Variants in ATP9A observed in about 807,000 individuals in gnomAD.
ATP9A encodes the protein probable phospholipid-transporting ATPase IIA.
A neutral mutation model predicts 144.1 loss-of-function variants in ATP9A; 52 were observed. That is an observed-to-expected ratio of 0.36 (90% CI 0.29 to 0.45). The LOEUF (loss-of-function observed/expected upper bound fraction) is 0.45, where lower values mean the gene tolerates loss of function less well. Ranked by LOEUF, ATP9A falls within the 20% of genes least tolerant of loss-of-function variation. The pLI, the probability that ATP9A is intolerant of heterozygous loss-of-function variation, is 1.00. For synonymous variants in ATP9A, 582 were observed against 557.4 expected (o/e 1.04, Z -0.62); for missense variants, 947 against 1,392.7 (o/e 0.68, Z 5.09).
chr20:51,644,919 A>T (rs968043086), intron 14 of ATP9A, among the ~76,000 whole-genome samples: 3 of 152,228 alleles, frequency 2.0e-5, no homozygotes, highest in African/African-American at 7.2e-5. Context: ...GCCTGCTTTT[A>T]ACTTTAATCG....
chr20:51,649,912 C>CAAAA (rs3029336), intron 14 of ATP9A, among the ~76,000 whole-genome samples: 40 of 107,714 alleles, frequency 3.7e-4, no homozygotes, highest in African/African-American at 1.4e-3. Context: ...GAATCCGTCT[C>CAAAA]AAAAAAAAAA....
rs2077125078 is a variant in ATP9A, at chr20:51,597,721, G to A, written c.*3490C>T. ...CCTACCCCAGTAAAAACAAGACAAA[G>A]TATAAAAAGAAAAGTCTGGCGGGGG... On this transcript the variant is annotated 3_prime_UTR_variant, in exon 28 of 28. Coordinates refer to ENST00000338821, the MANE Select transcript of ATP9A (RefSeq NM_006045.3). 6.6e-6 allele frequency: 1 copy of A among 151,938 alleles called. No individual in the cohort carries two copies. Among genetic ancestry groups the A allele is most frequent in the Non-Finnish European group, 1.5e-5 (1 of 67,984 alleles). 9.4% of individuals were successfully genotyped at this position (151,938 alleles called of 1,614,324 possible). A position where few individuals can be genotyped will look rare whatever the true frequency, so the allele number is the denominator to read the frequency against.
At chr20:51,623,082 CCAGG>C (rs1431592922) in intron 18 of ATP9A, among the ~76,000 whole-genome samples, 4 of 152,120 alleles carry the variant, frequency 2.6e-5, no homozygotes, top group Admixed American at 6.6e-5. Context: ...GGATGGAAAC[CCAGG>C]CAGTGAGACG....
At chr20:51,664,972 T>C (rs1327878523) in intron 13 of ATP9A, among the ~76,000 whole-genome samples, 1 of 151,680 alleles carries the variant, frequency 6.6e-6, no homozygotes, top group Non-Finnish European at 1.5e-5. Context: ...TCTCGTGATC[T>C]GCCCGCCTCG....
chr20:51,718,070 C>T (rs1452151759), intron 3 of ATP9A, among the ~76,000 whole-genome samples: 1 of 152,064 alleles, frequency 6.6e-6, no homozygotes. Flanking sequence ...ATGTCTGTAC[C>T]CCAAGACATT....
intron 1 of ATP9A, among the ~76,000 whole-genome samples, chr20:51,746,473 C>A (rs1374751080): frequency 3.9e-5 from 6 of 151,964 alleles, no homozygotes; most frequent in Non-Finnish European, 5.9e-5. Context: ...CCGAGGCAGG[C>A]GGATCACCTG....
At position 51,598,856 on chromosome 20, in the gene ATP9A, C is replaced by T. The variant is rs1219638718; in HGVS notation, c.*2355G>A. ...TGGGCCAACGACGTGGCAGTTTGCA[C>T]TTGAGTGTCGGTACTTCTCACCCTT... On this transcript the variant is annotated 3_prime_UTR_variant, in exon 28 of 28. Transcript: ENST00000338821. The T allele has an allele frequency of 1.3e-5, 2 of 152,340 alleles. No homozygotes were observed. The highest frequency in any genetic ancestry group is 4.8e-5 in the African/African-American group (2 of 41,472). 9.4% of individuals were successfully genotyped at this position (152,340 alleles called of 1,614,324 possible).
chr20:51,602,174 G>A (rs886612323), intron 27 of ATP9A, among the ~76,000 whole-genome samples: 1 of 152,108 alleles, frequency 6.6e-6, no homozygotes, highest in Non-Finnish European at 1.5e-5. Flanking sequence ...AGGTGGGGGG[G>A]GCGGGCGTAC....
intron 1 of ATP9A, among the ~76,000 whole-genome samples, chr20:51,753,436 G>T (rs2077841421): frequency 7.0e-6 from 1 of 143,808 alleles, no homozygotes; most frequent in Non-Finnish European, 1.5e-5. Context: ...GGGCAACAGA[G>T]TGAGACTCCG....
At chr20:51,718,446 G>C (rs1000462545) in intron 3 of ATP9A, among the ~76,000 whole-genome samples, 1 of 151,444 alleles carries the variant, frequency 6.6e-6, no homozygotes, top group African/African-American at 2.4e-5. Flanking sequence ...TTTTCTATTT[G>C]AAAAAAGAAC....
chr20:51,645,526 CAAAA>C (rs1198784736), intron 14 of ATP9A, among the ~76,000 whole-genome samples: 2 of 121,154 alleles, frequency 1.7e-5, no homozygotes, highest in South Asian at 3.1e-4. Flanking sequence ...AACAAACAAA[CAAAA>C]ACAAACAAAC....
At chr20:51,653,066 C>T (rs73616814) in intron 14 of ATP9A, among the ~76,000 whole-genome samples, 29 of 150,106 alleles carry the variant, frequency 1.9e-4, no homozygotes, top group South Asian at 1.9e-3. Flanking sequence ...GCCGAGATCA[C>T]GCCACTGCAC....
At chr20:51,651,266 TAA>T (rs1259276573) in intron 14 of ATP9A, among the ~76,000 whole-genome samples, 11 of 139,874 alleles carry the variant, frequency 7.9e-5, no homozygotes, top group African/African-American at 2.9e-4. Context: ...ATATATTATA[TAA>T]TATATATTTA....
intron 9 of ATP9A, among the ~76,000 whole-genome samples, chr20:51,687,179 G>GC (rs1568820579): frequency 6.6e-6 from 1 of 150,958 alleles, no homozygotes. Context: ...TCTGCATGCT[G>GC]CGTCCCCTGG....
rs796336088 is a variant in ATP9A, at chr20:51,690,109, CAAAAA to C, written c.723+625_723+629del. 1.3e-3 allele frequency among the ~76,000 whole-genome samples: 76 copies of C among 59,918 alleles called. No homozygotes were observed. The East Asian group carries it at 0.017, about 13-fold the overall frequency. 39.3% of individuals were successfully genotyped at this position (59,918 alleles called of 152,430 possible). A position where few individuals can be genotyped will look rare whatever the true frequency, so the allele number is the denominator to read the frequency against. On this transcript the variant is annotated intron_variant, in intron 8 of 27. Coordinates refer to ENST00000338821, the MANE Select transcript of ATP9A (RefSeq NM_006045.3). ...CCTAGGCGACAGAAGGAGACCGTCTCAAAAAAAAAAAAAAAAAAAAAAAAAAAAAG... is the reference window on the plus strand; with the variant it reads ...CCTAGGCGACAGAAGGAGACCGTCTCAAAAAAAAAAAAAAAAAAAAAAAAG...
At chr20:51,684,656 G>T (rs182647561) in intron 9 of ATP9A, among the ~76,000 whole-genome samples, 1 of 116,394 alleles carries the variant, frequency 8.6e-6, no homozygotes, top group South Asian at 2.8e-4. Context: ...AGATCGCACC[G>T]CTGCACTCCA....
intron 14 of ATP9A, 76 bp downstream of exon 14, chr20:51,656,862 T>G: frequency 7.1e-7 from 1 of 1,401,056 alleles, no homozygotes. Context: ...CATTGCTTCC[T>G]TAGAAAACGC....
At chr20:51,657,265 C>T (rs1489723251) in intron 13 of ATP9A, 115 bp from the exon 14 acceptor site, 3 of 781,396 alleles carry the variant, frequency 3.8e-6, no homozygotes, top group African/African-American at 1.7e-5. Context: ...CACACAGAAC[C>T]CTTAGATATA....
intron 23 of ATP9A, among the ~76,000 whole-genome samples, chr20:51,610,767 T>C (rs1268697443): frequency 1.3e-5 from 2 of 152,208 alleles, no homozygotes; most frequent in Non-Finnish European, 2.9e-5. Context: ...AAAGAGCCTC[T>C]GAAGTGTCTA....
Sources: allele counts gnomAD v4.1 joint callset (sites outside exome capture counted in the v4.1 genomes callset), GRCh38; gene constraint gnomAD v4.1.1; transcripts MANE v1.5; gene names NCBI Gene and HGNC (gene_info 2026-07-23, HGNC 2026-07-21).